LINGO2: variants seen among roughly 807,000 people sequenced by gnomAD.
LINGO2 encodes the protein leucine-rich repeat and immunoglobulin-like domain-containing nogo receptor-interacting protein 2.
A neutral mutation model predicts 30.6 loss-of-function variants in LINGO2; 14 were observed. The ratio of observed to expected loss-of-function variants is 0.46; its 90% CI spans 0.30 to 0.72. The LOEUF (loss-of-function observed/expected upper bound fraction) is 0.72, where lower values mean the gene tolerates loss of function less well. Ranked by LOEUF, LINGO2 falls within the 30% of genes least tolerant of loss-of-function variation. The pLI is 0.07. For missense variants in LINGO2, 729 were observed against 751.7 expected, an observed-to-expected ratio of 0.97 and a Z score of 0.35; for synonymous variants, 317 against 288.5, an observed-to-expected ratio of 1.10 and a Z score of -1.00.
intron 2 of LINGO2, among the ~76,000 whole-genome samples, chr9:28,444,822 A>G (rs555502089): frequency 6.6e-6 from 1 of 152,282 alleles, no homozygotes; most frequent in South Asian, 2.1e-4. Context: ...TCACTTACTT[A>G]CATACCCCTT....
chr9:28,992,603 C>T, the LINGO2 span, among the ~76,000 whole-genome samples: 2 of 152,094 alleles, frequency 1.3e-5, no homozygotes, highest in African/African-American at 2.4e-5. Flanking sequence ...AAACTGACCG[C>T]ATAGTTGGAA....
chr9:29,031,937 A>C, the LINGO2 span, among the ~76,000 whole-genome samples: 18 of 152,266 alleles, frequency 1.2e-4, no homozygotes, highest in East Asian at 2.9e-3. Context: ...TTTTCAGTGG[A>C]AATTAGAATC....
the LINGO2 span, among the ~76,000 whole-genome samples, chr9:28,834,081 G>A: frequency 2.6e-5 from 4 of 151,134 alleles, no homozygotes; most frequent in Non-Finnish European, 4.4e-5. Context: ...CTTAGTGCAT[G>A]GTAGATGACT....
intron 1 of LINGO2, among the ~76,000 whole-genome samples, chr9:28,506,461 CAT>C (rs752367831): frequency 0.02 from 1,696 of 83,512 alleles, 139 homozygotes; most frequent in African/African-American, 0.032. Flanking sequence ...CACACATACA[CAT>C]ACACACACAC....
chr9:28,348,202 A>G (rs934925284), intron 3 of LINGO2, among the ~76,000 whole-genome samples: 1 of 152,212 alleles, frequency 6.6e-6, no homozygotes, highest in Non-Finnish European at 1.5e-5. Context: ...AGCGACGCAG[A>G]AGACGGGTGA....
At chr9:28,075,486 G>T (rs1587814190) in intron 4 of LINGO2, among the ~76,000 whole-genome samples, 2 of 151,816 alleles carry the variant, frequency 1.3e-5, no homozygotes, top group African/African-American at 4.8e-5. Context: ...AATTAACTGT[G>T]CCCATTAGTA....
chr9:28,118,650 A>C (rs1022580893), intron 4 of LINGO2, among the ~76,000 whole-genome samples: 1 of 152,212 alleles, frequency 6.6e-6, no homozygotes, highest in African/African-American at 2.4e-5. Context: ...ACTAGGAATA[A>C]ATTATAATTG....
the LINGO2 span, among the ~76,000 whole-genome samples, chr9:28,883,615 A>AAT: frequency 6.2e-5 from 3 of 48,692 alleles, no homozygotes; most frequent in Non-Finnish European, 1.3e-4. Context: ...ATATATATAA[A>AAT]ATATGTGTGT....
chr9:28,580,827 G>A (rs1347239480), intron 1 of LINGO2, among the ~76,000 whole-genome samples: 1 of 151,976 alleles, frequency 6.6e-6, no homozygotes, highest in African/African-American at 2.4e-5. Context: ...ACTGAGCCAC[G>A]ACTCACTTTG....
At chr9:28,377,161 C>T (rs1821161977) in intron 2 of LINGO2, among the ~76,000 whole-genome samples, 2 of 151,984 alleles carry the variant, frequency 1.3e-5, no homozygotes, top group Admixed American at 1.3e-4. Context: ...GAAATTTTTC[C>T]ATAAAAATTA....
intron 1 of LINGO2, among the ~76,000 whole-genome samples, chr9:28,623,784 G>A (rs1308931434): frequency 6.6e-6 from 1 of 151,922 alleles, no homozygotes; most frequent in Non-Finnish European, 1.5e-5. Flanking sequence ...ATTGCTTTGA[G>A]AAATATGGAC....
Position 28,241,467 on chromosome 9 carries a change from A to G in LINGO2, c.-87+53741T>C, listed in dbSNP as rs546982463. 7.2e-4 allele frequency among the ~76,000 whole-genome samples: 110 copies of G among 152,150 alleles called. 1 individual carries two copies. Among genetic ancestry groups the G allele is most frequent in the African/African-American group, 2.5e-3 (103 of 41,514 alleles). ...TGACTAGGCGGCAGGTATGACCCAC[A>G]GTGAGGAAGGAAGGGCAGTGTGGTG... On this transcript the variant is annotated intron_variant, in intron 4 of 5. Transcript: ENST00000379992.
At chr9:27,949,642 GGGA>G (rs749644042) in exon 6 of LINGO2, 7 of 1,613,932 alleles carry the variant, frequency 4.3e-6, no homozygotes, top group South Asian at 2.2e-5. Flanking sequence ...AGAGCCCTAG[GGGA>G]GGAGAAGACA....
chr9:28,117,279 C>T (rs28816111), intron 4 of LINGO2, among the ~76,000 whole-genome samples: 21,378 of 150,288 alleles, frequency 0.14, 1,823 homozygotes, highest in South Asian at 0.32. Flanking sequence ...CTCAGATCTC[C>T]GGCTGCGTGC....
intron 3 of LINGO2, among the ~76,000 whole-genome samples, chr9:28,347,962 A>G (rs889277443): frequency 2.0e-5 from 3 of 152,332 alleles, no homozygotes; most frequent in Non-Finnish European, 4.4e-5. Context: ...CCCATTAAAA[A>G]GATTTGGATG....
At chr9:28,383,959 A>G (rs1331883) in intron 2 of LINGO2, among the ~76,000 whole-genome samples, 67,517 of 151,798 alleles carry the variant, frequency 0.44, 16,453 homozygotes, top group Non-Finnish European at 0.53. Flanking sequence ...TACAGAAAAT[A>G]AAGTTATAAG....
the LINGO2 span, among the ~76,000 whole-genome samples, chr9:28,885,408 CATAGAT>C: frequency 3.4e-3 from 111 of 32,728 alleles, no homozygotes; most frequent in Middle Eastern, 0.033. Context: ...TACATATATA[CATAGAT>C]ATATATACAC....
At chr9:29,123,838 T>G in the LINGO2 span, among the ~76,000 whole-genome samples, 1 of 152,142 alleles carries the variant, frequency 6.6e-6, no homozygotes, top group Admixed American at 6.6e-5. Context: ...TGTTATCCTG[T>G]GTTCTGTGTC....
chr9:29,172,093 G>A, the LINGO2 span, among the ~76,000 whole-genome samples: 1 of 151,876 alleles, frequency 6.6e-6, no homozygotes, highest in Non-Finnish European at 1.5e-5. Flanking sequence ...TATGGACTAT[G>A]TCTAAACTCA....
Sources: allele counts gnomAD v4.1 joint callset (sites outside exome capture counted in the v4.1 genomes callset), GRCh38; gene constraint gnomAD v4.1.1; transcripts MANE v1.5; gene names NCBI Gene and HGNC (gene_info 2026-07-23, HGNC 2026-07-21).